Variants in SLC2A9 observed in about 807,000 individuals in gnomAD.
SLC2A9 encodes solute carrier family 2 member 9.
A neutral mutation model predicts 50.6 loss-of-function variants in SLC2A9; 39 were observed. The ratio of observed to expected loss-of-function variants is 0.77; its 90% confidence interval spans 0.60 to 1.01. SLC2A9 has a LOEUF of 1.01. SLC2A9 is among the 50% of genes least tolerant of loss of function. The pLI is 0.00. For missense variants in SLC2A9, 686 were observed against 677.6 expected (o/e 1.01, Z -0.14); for synonymous variants, 324 against 276.9 (o/e 1.17, Z -1.69).
At chr4:9,861,278 T>G (rs4613568) in intron 10 of SLC2A9, among the ~76,000 whole-genome samples, 71,485 of 151,668 alleles carry the variant, frequency 0.47, 19,209 homozygotes, top group African/African-American at 0.74. Context: ...AGGAACAAAA[T>G]AGAGGGTGGG....
chr4:9,829,076 G>A (rs978229680), intron 11 of SLC2A9, among the ~76,000 whole-genome samples: 5 of 152,116 alleles, frequency 3.3e-5, no homozygotes, highest in African/African-American at 1.2e-4. Flanking sequence ...GTGTCGTGAG[G>A]ATTATTCTCA....
At chr4:9,859,781 A>G (rs1208222032) in intron 10 of SLC2A9, among the ~76,000 whole-genome samples, 1 of 152,158 alleles carries the variant, frequency 6.6e-6, no homozygotes, top group Non-Finnish European at 1.5e-5. Context: ...TGTCACATAT[A>G]TTAATGCTGA....
At chr4:9,915,117 A>G (rs1742620961) in intron 7 of SLC2A9, among the ~76,000 whole-genome samples, 1 of 152,160 alleles carries the variant, frequency 6.6e-6, no homozygotes, top group African/African-American at 2.4e-5. Context: ...CCAGGACTAC[A>G]CAGCTGGGAA....
chr4:9,937,520 C>T (rs1006310149), intron 6 of SLC2A9, among the ~76,000 whole-genome samples: 5 of 152,210 alleles, frequency 3.3e-5, no homozygotes, highest in Admixed American at 6.5e-5. Flanking sequence ...GAGGAGGGCG[C>T]TGGTCTTCCG....
chr4:9,939,157 C>G (rs967562287), intron 6 of SLC2A9, among the ~76,000 whole-genome samples: 1 of 152,058 alleles, frequency 6.6e-6, no homozygotes, highest in East Asian at 1.9e-4. Flanking sequence ...GAGAATGTGC[C>G]CTGCTGGCCA....
intron 10 of SLC2A9, among the ~76,000 whole-genome samples, chr4:9,858,552 G>C (rs548324677): frequency 1.4e-4 from 21 of 152,136 alleles, no homozygotes; most frequent in Non-Finnish European, 2.9e-4. Flanking sequence ...TCCAAAATCA[G>C]ACATTTTGAG....
chr4:9,929,352 T>G (rs943481038), intron 6 of SLC2A9, among the ~76,000 whole-genome samples: 3 of 152,308 alleles, frequency 2.0e-5, no homozygotes, highest in African/African-American at 7.2e-5. Flanking sequence ...GAGACTTCTA[T>G]GGGCAAAGGG....
chr4:9,937,657 C>G (rs1032504151), intron 6 of SLC2A9, among the ~76,000 whole-genome samples: 2 of 152,134 alleles, frequency 1.3e-5, no homozygotes, highest in African/African-American at 2.4e-5. Flanking sequence ...CAAGGGCAAG[C>G]ATGGAACGTT....
At chr4:9,951,824 A>C (rs922104788) in intron 5 of SLC2A9, among the ~76,000 whole-genome samples, 23 of 152,278 alleles carry the variant, frequency 1.5e-4, no homozygotes, top group African/African-American at 5.5e-4. Flanking sequence ...AAGCTTGAAA[A>C]GTAAAATTGT....
intron 10 of SLC2A9, among the ~76,000 whole-genome samples, chr4:9,836,595 G>A (rs527707596): frequency 2.6e-5 from 4 of 152,352 alleles, no homozygotes; most frequent in South Asian, 2.1e-4. Context: ...GAGGCAGAGA[G>A]GAATGGGGTG....
intron 5 of SLC2A9, among the ~76,000 whole-genome samples, chr4:9,950,392 T>C (rs1750004757): frequency 6.6e-6 from 1 of 152,174 alleles, no homozygotes; most frequent in African/African-American, 2.4e-5. Context: ...CCCCCATGGG[T>C]CATCTTTCAA....
At chr4:9,894,107 AG>A (rs1738072462) in intron 8 of SLC2A9, among the ~76,000 whole-genome samples, 1 of 152,208 alleles carries the variant, frequency 6.6e-6, no homozygotes, top group South Asian at 2.1e-4. Flanking sequence ...CTAAGGAAAT[AG>A]ATGTTTGGTC....
At position 9,772,788 on chromosome 4, in the gene SLC2A9, T is replaced by G. The variant is rs181725970; in HGVS notation, n.182-1419A>C. 7.2e-5 allele frequency among the ~76,000 whole-genome samples: 11 copies of G among 152,042 alleles called. 1 individual carries two copies. In the East Asian group the frequency reaches 2.1e-3, roughly 29 times the overall value. On this transcript the variant is annotated intron_variant and non_coding_transcript_variant, in intron 1 of 1. Transcript: ENST00000508585. ...CTCATTTACCCATGATATCTCTTCA[T>G]AGTAAGCATTAGGGATGCCATTTTA... is the stretch of plus-strand genomic sequence containing the variant.
rs1553813230 is a variant in SLC2A9 at position 9,799,694 on chromosome 4, C to CCT, written n.421-454_421-453insAG. On this transcript the variant is annotated intron_variant and non_coding_transcript_variant, in intron 3 of 3. Coordinates refer to the SLC2A9 transcript ENST00000503280. ...TTTCTGAGCTCCATTCCAATTGTAC[C>CCT]CCCCCCCCACCCAACTTCTACACCA... Among the ~76,000 whole-genome samples, 14 of 57,398 alleles carry CCT rather than the reference C, an allele frequency of 2.4e-4. 1 individual carries two copies. Among genetic ancestry groups the CCT allele is most frequent in the African/African-American group, 7.8e-4 (13 of 16,740 alleles). 37.7% of individuals were successfully genotyped at this position (57,398 alleles called of 152,430 possible).
chr4:9,845,596 A>AT (rs1039590000), intron 10 of SLC2A9, among the ~76,000 whole-genome samples: 2 of 149,310 alleles, frequency 1.3e-5, no homozygotes, highest in Non-Finnish European at 3.0e-5. Context: ...CGACCGGCTA[A>AT]TTTTTTTGTA....
At chr4:9,996,504 G>C (rs1183305704) in intron 3 of SLC2A9, among the ~76,000 whole-genome samples, 2 of 152,178 alleles carry the variant, frequency 1.3e-5, no homozygotes, top group East Asian at 3.9e-4. Flanking sequence ...GGAGGGGTCA[G>C]GGCATTTCTT....
downstream of SLC2A9, among the ~76,000 whole-genome samples, chr4:9,798,426 G>A (rs1333409829): frequency 6.6e-6 from 1 of 152,178 alleles, no homozygotes; most frequent in Non-Finnish European, 1.5e-5. Flanking sequence ...AAGACTGATT[G>A]TCTTCATGGG....
intron 5 of SLC2A9, among the ~76,000 whole-genome samples, chr4:9,977,860 C>G (rs1372579405): frequency 1.3e-5 from 2 of 152,190 alleles, no homozygotes; most frequent in East Asian, 1.9e-4. Flanking sequence ...CACTCTACCA[C>G]CAGCAGCCAA....
At chr4:9,783,692 A>C in intron 3 of SLC2A9, 1 of 539,586 alleles carries the variant, frequency 1.9e-6, no homozygotes, top group Non-Finnish European at 3.4e-6. Flanking sequence ...AGATGGACCA[A>C]CGATCCTATG....
Sources: gnomAD v4.1 joint callset for allele counts (sites outside exome capture counted in the v4.1 genomes callset) on GRCh38, gnomAD v4.1.1 for gene constraint, MANE v1.5 for transcripts, NCBI Gene and HGNC (gene_info 2026-07-23, HGNC 2026-07-21) for gene names.